SLC16A7: variants seen among roughly 807,000 people sequenced by gnomAD.
SLC16A7 encodes the protein solute carrier family 16 member 7, also known as monocarboxylate transporter 2.
Under a neutral mutation model 34.9 loss-of-function variants are expected in SLC16A7, and 33 were observed. The observed-to-expected ratio is 0.94, with a 90% CI of 0.72 to 1.26. The LOEUF (loss-of-function observed/expected upper bound fraction) is 1.26, where lower values mean the gene tolerates loss of function less well. SLC16A7 is among the 50% of genes most tolerant of loss of function. The pLI is 0.00. For missense variants in SLC16A7, 573 were observed against 578.1 expected (o/e 0.99, Z 0.09); for synonymous variants, 201 against 206.6 (o/e 0.97, Z 0.23).
chr12:59,686,295 A>C (rs1459708307), intron 2 of SLC16A7, among the ~76,000 whole-genome samples: 2 of 151,956 alleles, frequency 1.3e-5, no homozygotes, highest in African/African-American at 4.8e-5. Flanking sequence ...GTGTCATAGA[A>C]TCAAAGTATG....
At chr12:59,757,914 A>G (rs1025870606) in intron 3 of SLC16A7, among the ~76,000 whole-genome samples, 2 of 152,154 alleles carry the variant, frequency 1.3e-5, no homozygotes, top group Admixed American at 6.6e-5. Context: ...CATATACAAA[A>G]TGTGCGTTAA....
chr12:59,708,617 G>A (rs565341795), intron 3 of SLC16A7, among the ~76,000 whole-genome samples: 1 of 152,044 alleles, frequency 6.6e-6, no homozygotes, highest in Non-Finnish European at 1.5e-5. Flanking sequence ...CATTAGCCTA[G>A]AGAACACCTA....
chr12:59,643,964 T>C (rs1160454669), intron 1 of SLC16A7, among the ~76,000 whole-genome samples: 1 of 152,158 alleles, frequency 6.6e-6, no homozygotes, highest in African/African-American at 2.4e-5. Flanking sequence ...TGGAGATAAC[T>C]CTTAGGTTAC....
chr12:59,649,361 A>C (rs1335902156), intron 1 of SLC16A7, among the ~76,000 whole-genome samples: 1 of 152,180 alleles, frequency 6.6e-6, no homozygotes, highest in Non-Finnish European at 1.5e-5. Context: ...TAGAGGAAAC[A>C]GTTTATTTGG....
At chr12:59,740,717 C>T (rs1210712412) in intron 3 of SLC16A7, among the ~76,000 whole-genome samples, 4 of 151,332 alleles carry the variant, frequency 2.6e-5, no homozygotes, top group Non-Finnish European at 4.4e-5. Context: ...CCAGGGCAAT[C>T]AGGCAGGAGA....
intron 2 of SLC16A7, among the ~76,000 whole-genome samples, chr12:59,704,236 G>C (rs922662912): frequency 7.7e-6 from 1 of 129,676 alleles, no homozygotes; most frequent in Admixed American, 7.7e-5. Context: ...AAAAAAAAAA[G>C]AAAAAGAAAA....
At chr12:59,692,989 G>T (rs935280187) in intron 2 of SLC16A7, among the ~76,000 whole-genome samples, 8 of 151,938 alleles carry the variant, frequency 5.3e-5, no homozygotes, top group Non-Finnish European at 1.2e-4. Context: ...ACATTAATTT[G>T]ATGTTGCTAT....
chr12:59,631,205 A>G (rs948450472), intron 1 of SLC16A7, among the ~76,000 whole-genome samples: 3 of 151,962 alleles, frequency 2.0e-5, no homozygotes, highest in Non-Finnish European at 4.4e-5. Flanking sequence ...ATTGGAGCTC[A>G]TAGCTCAGGC....
At chr12:59,648,451 T>G (rs1868285651) in intron 1 of SLC16A7, among the ~76,000 whole-genome samples, 1 of 152,222 alleles carries the variant, frequency 6.6e-6, no homozygotes, top group South Asian at 2.1e-4. Flanking sequence ...TAGTACGTTA[T>G]ATACGTTGCC....
chr12:59,736,397 C>G (rs947883866), intron 3 of SLC16A7, among the ~76,000 whole-genome samples: 3 of 152,136 alleles, frequency 2.0e-5, no homozygotes, highest in Non-Finnish European at 4.4e-5. Flanking sequence ...TTTTCTAAAA[C>G]TAATTTTAAG....
intron 3 of SLC16A7, among the ~76,000 whole-genome samples, chr12:59,706,235 A>G (rs1305143460): frequency 6.6e-6 from 1 of 152,040 alleles, no homozygotes; most frequent in Non-Finnish European, 1.5e-5. Flanking sequence ...AATTCTTTCT[A>G]CTTCAGCTCA....
chr12:59,630,530 GGCTCATCCTCAGAGT>G (rs1880134819), intron 1 of SLC16A7, among the ~76,000 whole-genome samples: 1 of 151,778 alleles, frequency 6.6e-6, no homozygotes, highest in Non-Finnish European at 1.5e-5. Context: ...GAAATTACTT[GGCTCATCCTCAGAGT>G]GCTCAAAACA....
At chr12:59,720,050 G>A in intron 3 of SLC16A7, 2 of 698,160 alleles carry the variant, frequency 2.9e-6, no homozygotes, top group Non-Finnish European at 5.2e-6. Context: ...AATGCCTCAT[G>A]ACTATACCTT....
chr12:59,679,097 T>A (rs1022766778), intron 2 of SLC16A7, among the ~76,000 whole-genome samples: 2 of 152,094 alleles, frequency 1.3e-5, no homozygotes, highest in Non-Finnish European at 2.9e-5. Context: ...GGGGCCTTCC[T>A]AGGCCCCCAA....
intron 2 of SLC16A7, among the ~76,000 whole-genome samples, chr12:59,666,143 T>C (rs1869185412): frequency 6.6e-6 from 1 of 152,130 alleles, no homozygotes; most frequent in Non-Finnish European, 1.5e-5. Flanking sequence ...ACAACAGTTA[T>C]TGGGAGTGCT....
Position 59,637,980 on chromosome 12 carries a change from T to C in SLC16A7, c.-129-17172T>C, listed in dbSNP as rs117834081. Among the ~76,000 whole-genome samples the C allele has an allele frequency of 5.9e-5, 9 of 152,262 alleles. No individual in the cohort carries two copies. The East Asian group carries it at 1.7e-3, about 30-fold the overall frequency. On this transcript the variant is annotated intron_variant, in intron 1 of 5. Transcript: ENST00000547379. The stretch of plus-strand genomic sequence containing the variant: ...TTGTCCAGATGCCAGCACCATGCTC[T>C]TGGGCTCCCCATTTCCAGAACTGTG...
chr12:59,768,517 C>T (rs549931032), intron 3 of SLC16A7, among the ~76,000 whole-genome samples: 1 of 152,066 alleles, frequency 6.6e-6, no homozygotes, highest in Non-Finnish European at 1.5e-5. Flanking sequence ...GTTGATATAA[C>T]TACAAAAGTT....
chr12:59,648,421 G>T (rs1868285132), intron 1 of SLC16A7, among the ~76,000 whole-genome samples: 1 of 152,126 alleles, frequency 6.6e-6, no homozygotes, highest in Non-Finnish European at 1.5e-5. Context: ...GAGTACATAT[G>T]ATATGTTAGT....
chr12:59,607,673 A>G lies in SLC16A7; in HGVS notation c.-130+11437A>G, dbSNP rs920007501. Among the ~76,000 whole-genome samples the G allele has an allele frequency of 1.2e-4, 18 of 152,216 alleles. No homozygotes were observed. In the East Asian group the frequency reaches 3.5e-3, roughly 29 times the overall value. ...ATGAGGGAATGCTGGATATAACTCTAATATTTTTTTCTAATCACTGTTTAT... is the reference window on the plus strand; with the variant it reads ...ATGAGGGAATGCTGGATATAACTCTGATATTTTTTTCTAATCACTGTTTAT... On this transcript the variant is annotated intron_variant, in intron 1 of 5. Transcript: ENST00000547379.
Sources: allele counts gnomAD v4.1 joint callset (sites outside exome capture counted in the v4.1 genomes callset), GRCh38; gene constraint gnomAD v4.1.1; transcripts MANE v1.5; gene names NCBI Gene and HGNC (gene_info 2026-07-23, HGNC 2026-07-21).